The following SLC25A30 variants were observed in gnomAD, a reference collection of about 807,000 sequenced individuals.
The protein encoded by SLC25A30 is kidney mitochondrial carrier protein 1.
A neutral mutation model predicts 42.7 loss-of-function variants in SLC25A30; 29 were observed. The observed-to-expected ratio is 0.68, with a 90% CI of 0.51 to 0.93. The LOEUF (loss-of-function observed/expected upper bound fraction) is 0.93. Ranked by LOEUF, SLC25A30 falls within the 40% of genes least tolerant of loss-of-function variation. SLC25A30 has a pLI of 0.00. For synonymous variants in SLC25A30, 124 were observed against 131.0 expected, an observed-to-expected ratio of 0.95 and a Z score of 0.37; for missense variants, 300 against 359.7, an observed-to-expected ratio of 0.83 and a Z score of 1.34.
Position 45,395,030 on chromosome 13 carries a change from C to A in SLC25A30, c.*944G>T. The A allele has an allele frequency of 1.0e-6, 1 of 985,436 alleles. No homozygotes were observed. Among genetic ancestry groups the A allele is most frequent in the Non-Finnish European group, 1.2e-6 (1 of 829,934 alleles). The allele number at this position is 985,436 out of a possible 1,614,324, so 61.0% of individuals were successfully genotyped here. On this transcript the variant is annotated 3_prime_UTR_variant, in exon 10 of 10. Transcript: ENST00000519676. ...TCATTCACAATTACCATGAGAAGCC[C>A]ATGAGAACATGCCCCTCTTCTACAT...
chr13:45,424,545 A>AATATG, the SLC25A30 span, among the ~76,000 whole-genome samples: 20 of 61,422 alleles, frequency 3.3e-4, no homozygotes, highest in South Asian at 5.2e-4. Context: ...AAATATATAA[A>AATATG]TATATAAATA....
the SLC25A30 span, among the ~76,000 whole-genome samples, chr13:45,432,269 CAAAAAAA>C: frequency 1.1e-5 from 1 of 93,008 alleles, no homozygotes; most frequent in African/African-American, 3.7e-5. Context: ...GACTCTGTTT[CAAAAAAA>C]AAAAAAAAAC....
At chr13:45,415,123 A>G (rs1419263131) in intron 1 of SLC25A30, among the ~76,000 whole-genome samples, 1 of 152,172 alleles carries the variant, frequency 6.6e-6, no homozygotes, top group Non-Finnish European at 1.5e-5. Flanking sequence ...TGAACATAAT[A>G]CTAACACTAG....
intron 3 of SLC25A30, among the ~76,000 whole-genome samples, chr13:45,407,822 C>G (rs1415433012): frequency 6.6e-6 from 1 of 152,182 alleles, no homozygotes; most frequent in Non-Finnish European, 1.5e-5. Flanking sequence ...TTGGCTCCTC[C>G]TTCCCTTCTA....
intron 3 of SLC25A30, 70 bp from the exon 4 acceptor site, chr13:45,406,047 T>C: frequency 1.5e-6 from 2 of 1,371,586 alleles, no homozygotes; most frequent in Non-Finnish European, 2.1e-6. Flanking sequence ...GCAACCCACA[T>C]GCAGAGTGCC....
Position 45,394,399 on chromosome 13 carries a change from C to A in SLC25A30, c.*1575G>T. ...AAATTATCTCATCCTCCAAAAAAAC[C>A]TGCAGTCCTTCTATTCAGTCTCAAC... On this transcript the variant is annotated 3_prime_UTR_variant, in exon 10 of 10. Coordinates refer to ENST00000519676, the MANE Select transcript of SLC25A30 (RefSeq NM_001010875.4). 1.0e-6 allele frequency: 1 copy of A among 985,368 alleles called. No individual in the cohort carries two copies. The allele number at this position is 985,368 out of a possible 1,614,324, so 61.0% of individuals were successfully genotyped here.
chr13:45,416,282 C>T (rs1460091629), intron 1 of SLC25A30, among the ~76,000 whole-genome samples: 1 of 151,788 alleles, frequency 6.6e-6, no homozygotes, highest in Non-Finnish European at 1.5e-5. Context: ...GTGGTGGGCG[C>T]CTGTAATTCT....
intron 8 of SLC25A30, chr13:45,397,781 T>C: frequency 2.1e-6 from 1 of 475,786 alleles, no homozygotes; most frequent in Non-Finnish European, 2.7e-6. Flanking sequence ...CTAAGAAATC[T>C]TTGCTCTTTA....
chr13:45,397,539 A>G, intron 8 of SLC25A30: 1 of 398,420 alleles, frequency 2.5e-6, no homozygotes, highest in Non-Finnish European at 4.5e-6. Flanking sequence ...AAAAATACAA[A>G]AAAAAAATTA....
At chr13:45,400,689 G>T (rs981105816) in intron 7 of SLC25A30, among the ~76,000 whole-genome samples, 1 of 151,950 alleles carries the variant, frequency 6.6e-6, no homozygotes, top group African/African-American at 2.4e-5. Context: ...TAGAAATGGG[G>T]CCTCATTTTG....
chr13:45,424,834 A>ATACATATG, the SLC25A30 span, among the ~76,000 whole-genome samples: 97 of 56,254 alleles, frequency 1.7e-3, 9 homozygotes, highest in African/African-American at 6.7e-3. Flanking sequence ...AAAAATATAT[A>ATACATATG]TATAAAAATA....
intron 1 of SLC25A30, among the ~76,000 whole-genome samples, chr13:45,415,642 T>C (rs1593630734): frequency 6.6e-6 from 1 of 150,460 alleles, no homozygotes; most frequent in South Asian, 2.1e-4. Flanking sequence ...TCCCAGTTAC[T>C]CGGGACGCTG....
the SLC25A30 span, among the ~76,000 whole-genome samples, chr13:45,423,463 A>C: frequency 7.0e-6 from 1 of 143,108 alleles, no homozygotes; most frequent in South Asian, 2.2e-4. Context: ...CCATGGACCA[A>C]TTTATCCAGT....
chr13:45,401,043 T>C (rs770830378), intron 7 of SLC25A30, 40 bp downstream of exon 7: 1 of 1,522,174 alleles, frequency 6.6e-7, no homozygotes. Context: ...AAACTTTCTT[T>C]AGAATTTCTA....
the SLC25A30 span, among the ~76,000 whole-genome samples, chr13:45,432,464 T>A: frequency 2.0e-5 from 3 of 152,056 alleles, no homozygotes; most frequent in Non-Finnish European, 2.9e-5. Flanking sequence ...ATCATCAGGA[T>A]TATCATTATT....
In SLC25A30 at chr13:45,395,672, G is replaced by A. The variant is rs946346186; in HGVS notation, c.*302C>T. On this transcript the variant is annotated 3_prime_UTR_variant, in exon 10 of 10. Coordinates refer to ENST00000519676, the MANE Select transcript of SLC25A30 (RefSeq NM_001010875.4). ...CTCTCCCTGAATAAAACAATACATC[G>A]CTCCTGATTTTCTTGCAAGTTTTCT... 4.6e-5 allele frequency: 58 copies of A among 1,270,168 alleles called. No homozygotes were observed. Among genetic ancestry groups the A allele is most frequent in the Middle Eastern group, 3.2e-4 (1 of 3,106 alleles). 78.7% of individuals were successfully genotyped at this position (1,270,168 alleles called of 1,614,324 possible).
chr13:45,404,532 C>T, intron 4 of SLC25A30, 120 bp from the exon 5 acceptor site: 1 of 734,948 alleles, frequency 1.4e-6, no homozygotes, highest in East Asian at 2.7e-5. Context: ...AAAACATATG[C>T]TTCAGGCCGG....
chr13:45,429,719 C>A, the SLC25A30 span, among the ~76,000 whole-genome samples: 1 of 151,852 alleles, frequency 6.6e-6, no homozygotes, highest in Non-Finnish European at 1.5e-5. Context: ...CCTATAGTCC[C>A]AGCTACTCAG....
chr13:45,393,650 C>T lies in SLC25A30; in HGVS notation c.*2324G>A, dbSNP rs1032974323. On this transcript the variant is annotated 3_prime_UTR_variant, in exon 10 of 10. Transcript: ENST00000519676. Reference sequence around the variant, plus strand: ...GTACTTATAGCCAGAACCCTGACAACGAGGGGACCAAGTCTCCCAATTCCT... The same window carrying T: ...GTACTTATAGCCAGAACCCTGACAATGAGGGGACCAAGTCTCCCAATTCCT... 22 of 985,246 alleles carry T rather than the reference C, an allele frequency of 2.2e-5. No homozygotes were observed. In the South Asian group the frequency reaches 2.3e-4, roughly 11 times the overall value. 61.0% of individuals were successfully genotyped at this position (985,246 alleles called of 1,614,324 possible).
Sources: gnomAD v4.1 joint callset for allele counts (sites outside exome capture counted in the v4.1 genomes callset) on GRCh38, gnomAD v4.1.1 for gene constraint, MANE v1.5 for transcripts, NCBI Gene and HGNC (gene_info 2026-07-23, HGNC 2026-07-21) for gene names.